The following TENM3 variants were observed in gnomAD, a reference collection of about 807,000 sequenced individuals.
TENM3 encodes teneurin transmembrane protein 3.
In TENM3, 63 loss-of-function variants were observed where a neutral mutation model predicts 255.1. The ratio of observed to expected loss-of-function variants is 0.25; its 90% CI spans 0.20 to 0.30. The LOEUF is 0.30. Ranked by LOEUF, TENM3 falls within the 10% of genes least tolerant of loss-of-function variation. The pLI is 1.00. For missense variants in TENM3, 2,929 were observed against 3,461.1 expected, an observed-to-expected ratio of 0.85 and a Z score of 3.86; for synonymous variants, 1,306 against 1,322.3, an observed-to-expected ratio of 0.99 and a Z score of 0.27.
At chr4:182,773,762 A>C (rs2152798418) in intron 23 of TENM3, 115 bp downstream of exon 23, 1 of 861,662 alleles carries the variant, frequency 1.2e-6, no homozygotes, top group Non-Finnish European at 1.8e-6. Context: ...AACCTCTAGA[A>C]ATATTGGTGA....
intron 22 of TENM3, among the ~76,000 whole-genome samples, chr4:182,762,441 G>A (rs1198152497): frequency 2.8e-5 from 3 of 107,448 alleles, no homozygotes; most frequent in Non-Finnish European, 4.2e-5. Flanking sequence ...CATTTAAAAC[G>A]ATTGATAATA....
At position 182,631,875 on chromosome 4, in the gene TENM3, C is replaced by CAT. The variant is rs568559295; in HGVS notation, c.988+2987_988+2988dup. Among the ~76,000 whole-genome samples, 40 of 152,274 alleles carry CAT rather than the reference C, an allele frequency of 2.6e-4. No individual in the cohort carries two copies. The East Asian group carries it at 6.6e-3, about 25-fold the overall frequency. The stretch of plus-strand genomic sequence containing the variant: ...AGAACTTACGACAATGTAGATTTAA[C>CAT]ATGTCTCTTCTCTAAGGTAAGTTGT... On this transcript the variant is annotated intron_variant, in intron 5 of 27. Coordinates refer to ENST00000511685, the MANE Select transcript of TENM3 (RefSeq NM_001080477.4).
chr4:181,886,593 A>G, the TENM3 span, among the ~76,000 whole-genome samples: 1 of 152,170 alleles, frequency 6.6e-6, no homozygotes, highest in Non-Finnish European at 1.5e-5. Flanking sequence ...GATATTATAT[A>G]TGATACAAAT....
intron 4 of TENM3, among the ~76,000 whole-genome samples, chr4:182,617,946 T>A (rs76930031): frequency 0.057 from 8,700 of 152,284 alleles, 395 homozygotes; most frequent in Non-Finnish European, 0.081. Flanking sequence ...GGTGTCTGTA[T>A]GTCACTAATA....
At chr4:181,879,629 CAGCAATAACAATAGTTA>C in the TENM3 span, among the ~76,000 whole-genome samples, 1 of 152,154 alleles carries the variant, frequency 6.6e-6, no homozygotes, top group African/African-American at 2.4e-5. Flanking sequence ...AATTCATATA[CAGCAATAACAATAGTTA>C]ATGAGGTAAA....
chr4:182,681,720 T>C (rs1226794649), intron 10 of TENM3, 94 bp from the exon 11 acceptor site: 1 of 909,848 alleles, frequency 1.1e-6, no homozygotes, highest in South Asian at 1.9e-5. Flanking sequence ...TTTTCCAAAA[T>C]GTTCATATAA....
chr4:182,004,046 C>T, the TENM3 span, among the ~76,000 whole-genome samples: 5 of 152,052 alleles, frequency 3.3e-5, no homozygotes, highest in South Asian at 4.2e-4. Flanking sequence ...GGATGTGTAA[C>T]CATATTGTAG....
chr4:182,544,792 T>A (rs547457064), intron 3 of TENM3, among the ~76,000 whole-genome samples: 1 of 152,312 alleles, frequency 6.6e-6, no homozygotes, highest in Non-Finnish European at 1.5e-5. Context: ...GTGTGAAAGT[T>A]AGGGACTTGG....
At chr4:182,116,284 T>C in the TENM3 span, among the ~76,000 whole-genome samples, 1 of 152,196 alleles carries the variant, frequency 6.6e-6, no homozygotes, top group Non-Finnish European at 1.5e-5. Context: ...GTTGGAATCA[T>C]ATAGTATGTA....
chr4:181,979,097 CATATATATATATATATATATATAT>C, the TENM3 span, among the ~76,000 whole-genome samples: 439 of 30,386 alleles, frequency 0.014, 19 homozygotes, highest in African/African-American at 0.04. Flanking sequence ...TTAAGCCTGA[CATATATATATATATATATATATAT>C]ATATATATAT....
chr4:182,764,747 T>C (rs1763532640), intron 22 of TENM3, among the ~76,000 whole-genome samples: 1 of 152,238 alleles, frequency 6.6e-6, no homozygotes, highest in Non-Finnish European at 1.5e-5. Flanking sequence ...TCTGCGCAAG[T>C]AGGGCTTGCA....
chr4:182,343,669 G>T lies in TENM3; in HGVS notation c.233-2982G>T, dbSNP rs968156741. 6.3e-5 allele frequency among the ~76,000 whole-genome samples: 8 copies of T among 127,256 alleles called. No individual in the cohort carries two copies. The Admixed American group carries it at 8.4e-4, about 13-fold the overall frequency. The allele number at this position is 127,256 out of a possible 152,430, so 83.5% of individuals were successfully genotyped here. A position where few individuals can be genotyped will look rare whatever the true frequency, so the allele number is the denominator to read the frequency against. On this transcript the variant is annotated intron_variant, in intron 2 of 27. Coordinates refer to ENST00000511685, the MANE Select transcript of TENM3 (RefSeq NM_001080477.4). ...CCTCCCGCCCTCCTCCACACCGCTT[G>T]TCGCAGTCAGGGAGCTCTATTCTCT... is the stretch of plus-strand genomic sequence containing the variant.
At chr4:182,591,364 T>G (rs932560830) in intron 3 of TENM3, among the ~76,000 whole-genome samples, 1 of 152,224 alleles carries the variant, frequency 6.6e-6, no homozygotes, top group Non-Finnish European at 1.5e-5. Flanking sequence ...GTAAGTACAG[T>G]GAATCACTTC....
chr4:182,786,776 T>C (rs1765696428), intron 24 of TENM3, among the ~76,000 whole-genome samples: 1 of 151,996 alleles, frequency 6.6e-6, no homozygotes, highest in South Asian at 2.1e-4. Flanking sequence ...AATAATAACA[T>C]GGCAGCACTG....
At chr4:181,511,770 G>A in the TENM3 span, among the ~76,000 whole-genome samples, 21 of 152,266 alleles carry the variant, frequency 1.4e-4, no homozygotes, top group Non-Finnish European at 2.4e-4. Context: ...GTAGTCGGGA[G>A]CTCTATAGTG....
chr4:182,643,795 A>G (rs112625851), intron 5 of TENM3, among the ~76,000 whole-genome samples: 67 of 152,232 alleles, frequency 4.4e-4, no homozygotes, highest in African/African-American at 1.5e-3. Context: ...AGTGTACCAC[A>G]GTGAATGTGA....
the TENM3 span, among the ~76,000 whole-genome samples, chr4:181,855,117 T>C: frequency 6.6e-6 from 1 of 152,198 alleles, no homozygotes; most frequent in African/African-American, 2.4e-5. Context: ...ATATTATTTT[T>C]AGAGGGAAGA....
At chr4:182,611,762 A>G (rs899967239) in intron 4 of TENM3, among the ~76,000 whole-genome samples, 8 of 152,214 alleles carry the variant, frequency 5.3e-5, no homozygotes, top group Middle Eastern at 3.2e-3. Context: ...TACTGTCTTT[A>G]TCATTCTTGA....
intron 12 of TENM3, among the ~76,000 whole-genome samples, chr4:182,702,919 G>C (rs539952142): frequency 1.9e-4 from 29 of 152,050 alleles, no homozygotes; most frequent in Non-Finnish European, 3.5e-4. Flanking sequence ...TGTATTTTTA[G>C]TAGAGACGGG....
Sources: allele counts gnomAD v4.1 joint callset (sites outside exome capture counted in the v4.1 genomes callset), GRCh38; gene constraint gnomAD v4.1.1; transcripts MANE v1.5; gene names NCBI Gene and HGNC (gene_info 2026-07-23, HGNC 2026-07-21).